ANKRD11: variants seen among roughly 807,000 people sequenced by gnomAD.
ANKRD11 encodes the protein ankyrin repeat domain 11, also known as ankyrin repeat domain-containing protein 11.
Under a neutral mutation model 195.7 loss-of-function variants are expected in ANKRD11, and 17 were observed. The observed-to-expected ratio is 0.09, with a 90% CI of 0.06 to 0.13. ANKRD11 has a LOEUF of 0.13. ANKRD11 is among the 10% of genes least tolerant of loss of function. ANKRD11 has a pLI of 1.00. For synonymous variants in ANKRD11, 1,953 were observed against 1,528.1 expected, an observed-to-expected ratio of 1.28 and a Z score of -6.49; for missense variants, 3,735 against 3,566.1, an observed-to-expected ratio of 1.05 and a Z score of -1.21.
intron 1 of ANKRD11, among the ~76,000 whole-genome samples, chr16:89,426,356 G>C (rs2042714202): frequency 6.6e-6 from 1 of 152,128 alleles, no homozygotes; most frequent in Admixed American, 6.5e-5. Flanking sequence ...AGGAAGGACA[G>C]TGCTGGACTG....
chr16:89,485,806 T>C (rs2057593086), intron 1 of ANKRD11, among the ~76,000 whole-genome samples: 1 of 152,180 alleles, frequency 6.6e-6, no homozygotes, highest in Non-Finnish European at 1.5e-5. Context: ...GCTAAAACTT[T>C]CATATCACTC....
intron 1 of ANKRD11, among the ~76,000 whole-genome samples, chr16:89,459,888 G>A (rs62070274): frequency 0.012 from 1,779 of 151,448 alleles, 12 homozygotes; most frequent in Non-Finnish European, 0.018. Context: ...AGCCAATTTC[G>A]TGTCACTGCA....
At chr16:89,463,432 C>T (rs1042586193) in intron 1 of ANKRD11, among the ~76,000 whole-genome samples, 3 of 152,144 alleles carry the variant, frequency 2.0e-5, no homozygotes, top group Non-Finnish European at 4.4e-5. Context: ...GGATTAAGGG[C>T]GGTGCAAGAT....
chr16:89,425,650 G>A (rs1167221506), intron 1 of ANKRD11, among the ~76,000 whole-genome samples: 1 of 152,078 alleles, frequency 6.6e-6, no homozygotes, highest in Non-Finnish European at 1.5e-5. Context: ...CGGTTATTTC[G>A]ATTTTTTCGG....
rs142820281 is a variant in ANKRD11, at chr16:89,290,647, G to A, written c.579C>T (p.Asp193=). Residue 193 remains aspartate, a synonymous_variant, in exon 6 of 13, where the codon GAC becomes GAT. Transcript: ENST00000301030. ...CACCTGCGAAGTCCTTGACGTTGAC[G>A]TCTGCCCCCTCGCTGATGAGCTCTT... ...RIKELISEGA[D]VNVKDFAGWT... 34 of 1,613,342 alleles carry A rather than the reference G, an allele frequency of 2.1e-5. No individual in the cohort carries two copies. Among genetic ancestry groups the A allele is most frequent in the African/African-American group, 4.0e-5 (3 of 74,926 alleles).
chr16:89,344,345 C>G (rs2038838866), intron 2 of ANKRD11, among the ~76,000 whole-genome samples: 1 of 152,184 alleles, frequency 6.6e-6, no homozygotes. Flanking sequence ...GAGCTGCAAC[C>G]ATCCAAAGAC....
In ANKRD11 at chr16:89,279,093, G is replaced by A; in HGVS notation, c.7449C>T (p.Leu2483=). 6.2e-7 allele frequency: 1 copy of A among 1,614,048 alleles called. No homozygotes were observed. Among genetic ancestry groups the A allele is most frequent in the South Asian group, 1.1e-5 (1 of 91,074 alleles). ...TGSYLLDGKP[L]SKLHIPVIAP... ...TCACCACGGGGATGTGGAGCTTGCT[G>A]AGCGGCTTGCCGTCCAGGAGGTAGG... The change falls in exon 9 of 13, where the codon CTC becomes CTT. Residue 2483 remains leucine, a synonymous_variant. Coordinates refer to ENST00000301030, the MANE Select transcript of ANKRD11 (RefSeq NM_013275.6). This position sits in a 1 kb window ranked among gnomAD's most constrained non-coding sequence, Gnocchi z 5.6.
chr16:89,342,558 G>C (rs1439685109), intron 2 of ANKRD11, among the ~76,000 whole-genome samples: 1 of 152,242 alleles, frequency 6.6e-6, no homozygotes, highest in East Asian at 1.9e-4. Flanking sequence ...CCACGTGCCT[G>C]AGCAGGATAT....
At chr16:89,411,674 A>G (rs2042115840) in intron 2 of ANKRD11, among the ~76,000 whole-genome samples, 1 of 152,190 alleles carries the variant, frequency 6.6e-6, no homozygotes, top group Non-Finnish European at 1.5e-5. Context: ...TCAGCCTCCC[A>G]GAGTGCTGGG....
intron 1 of ANKRD11, among the ~76,000 whole-genome samples, chr16:89,476,719 C>T (rs1251702496): frequency 6.6e-6 from 1 of 152,248 alleles, no homozygotes; most frequent in Non-Finnish European, 1.5e-5. Context: ...TAGAGGTATA[C>T]TACACTTCCA....
intron 2 of ANKRD11, among the ~76,000 whole-genome samples, chr16:89,384,268 C>T (rs778240157): frequency 2.0e-5 from 3 of 152,144 alleles, no homozygotes; most frequent in Non-Finnish European, 2.9e-5. Context: ...CGGTGGCTCA[C>T]GCCTGTAATC....
chr16:89,362,732 C>G (rs989481966), intron 2 of ANKRD11, among the ~76,000 whole-genome samples: 1 of 152,170 alleles, frequency 6.6e-6, no homozygotes, highest in Non-Finnish European at 1.5e-5. Context: ...AAGTATCTGC[C>G]CTGGCATGCT....
chr16:89,366,027 A>G (rs1173678939), intron 2 of ANKRD11, among the ~76,000 whole-genome samples: 1 of 151,894 alleles, frequency 6.6e-6, no homozygotes, highest in African/African-American at 2.4e-5. Flanking sequence ...CATGTTCCAC[A>G]AAAGACATGA....
At chr16:89,467,545 T>C (rs1206306652) in intron 1 of ANKRD11, among the ~76,000 whole-genome samples, 1 of 152,012 alleles carries the variant, frequency 6.6e-6, no homozygotes, top group East Asian at 1.9e-4. Flanking sequence ...ATTTTTATTT[T>C]TGTAGAGACG....
chr16:89,304,736 T>C (rs749744065), intron 4 of ANKRD11, among the ~76,000 whole-genome samples: 1 of 152,106 alleles, frequency 6.6e-6, no homozygotes, highest in Non-Finnish European at 1.5e-5. Flanking sequence ...AGCACACACA[T>C]TCCTGCTCTG....
At chr16:89,482,276 A>C (rs566601091) in intron 1 of ANKRD11, among the ~76,000 whole-genome samples, 1 of 152,334 alleles carries the variant, frequency 6.6e-6, no homozygotes, top group South Asian at 2.1e-4. Context: ...GGTGAGCCAC[A>C]CGTCAGCCAC....
Position 89,280,481 on chromosome 16 carries a change from AGGCGGGAGG to A in ANKRD11, c.6052_6060del (p.Pro2018_Ala2020del), listed in dbSNP as rs775221712. ...ACGGGCAGAGCGTACGGGGCAGGAG[AGGCGGGAGG>A]GGCGGGGTACGGCGCCTCCGAGGCG... is the stretch of plus-strand genomic sequence containing the variant. On this transcript the variant is annotated inframe_deletion, in exon 9 of 13. Transcript: ENST00000301030. The A allele has an allele frequency of 7.9e-5, 126 of 1,589,034 alleles. No individual in the cohort carries two copies. Among genetic ancestry groups the A allele is most frequent in the Middle Eastern group, 5.3e-4 (3 of 5,690 alleles).
chr16:89,482,344 G>C (rs1010132197), intron 1 of ANKRD11, among the ~76,000 whole-genome samples: 1 of 152,162 alleles, frequency 6.6e-6, no homozygotes, highest in African/African-American at 2.4e-5. Flanking sequence ...CATAAAAAAA[G>C]ATGACTGCCC....
intron 2 of ANKRD11, among the ~76,000 whole-genome samples, chr16:89,365,714 G>GT (rs542676728): frequency 1.2e-3 from 183 of 151,982 alleles, no homozygotes; most frequent in Admixed American, 2.4e-3. Flanking sequence ...GAAACCCAAC[G>GT]TTTTTTTTAA....
Sources: allele counts gnomAD v4.1 joint callset (sites outside exome capture counted in the v4.1 genomes callset), GRCh38; gene constraint gnomAD v4.1.1; non-coding constraint Gnocchi (gnomAD v3.1); transcripts MANE v1.5; gene names NCBI Gene and HGNC (gene_info 2026-07-23, HGNC 2026-07-21).